PRKD1: variants seen among roughly 807,000 people sequenced by gnomAD.
PRKD1 encodes protein kinase D1, also known as serine/threonine-protein kinase D1.
In PRKD1, 63 loss-of-function variants were observed where a neutral mutation model predicts 95.9. The observed-to-expected ratio is 0.66, with a 90% CI of 0.54 to 0.81. PRKD1 has a LOEUF of 0.81. Among genes scored for constraint, PRKD1 ranks in the 30% least tolerant of loss-of-function variants. PRKD1 has a pLI of 0.00. For synonymous variants in PRKD1, 425 were observed against 423.1 expected (o/e 1.00, Z -0.05); for missense variants, 1,048 against 1,165.3 (o/e 0.90, Z 1.47).
intron 3 of PRKD1, among the ~76,000 whole-genome samples, chr14:29,665,276 T>C (rs1028733442): frequency 6.6e-6 from 1 of 152,220 alleles, no homozygotes; most frequent in Non-Finnish European, 1.5e-5. Flanking sequence ...TTTCAGTACA[T>C]GAATGAATTA....
chr14:29,642,853 T>A (rs1456974486), intron 4 of PRKD1, among the ~76,000 whole-genome samples: 1 of 152,078 alleles, frequency 6.6e-6, no homozygotes, highest in Non-Finnish European at 1.5e-5. Context: ...ATTTTCACTC[T>A]TAGTCTCTAT....
At chr14:29,681,499 G>A (rs549336050) in intron 2 of PRKD1, among the ~76,000 whole-genome samples, 2 of 152,228 alleles carry the variant, frequency 1.3e-5, no homozygotes, top group African/African-American at 4.8e-5. Context: ...TGTCACATGG[G>A]ATGAAGGGAA....
intron 4 of PRKD1, among the ~76,000 whole-genome samples, chr14:29,647,000 T>C (rs1594392360): frequency 6.6e-6 from 1 of 152,102 alleles, no homozygotes. Context: ...TTGAGCTAAC[T>C]GTCAAATATC....
intron 1 of PRKD1, among the ~76,000 whole-genome samples, chr14:29,864,946 C>G (rs950674955): frequency 1.3e-5 from 2 of 152,114 alleles, no homozygotes; most frequent in Admixed American, 1.3e-4. Flanking sequence ...GGTTTTCCCC[C>G]CAAATAGCTG....
intron 1 of PRKD1, among the ~76,000 whole-genome samples, chr14:29,900,078 G>A (rs768625996): frequency 1.3e-5 from 2 of 152,206 alleles, no homozygotes; most frequent in Non-Finnish European, 2.9e-5. Context: ...ATGCAGAACT[G>A]TGAGTCAATT....
chr14:29,718,467 T>C (rs191195732), intron 2 of PRKD1, among the ~76,000 whole-genome samples: 11 of 152,296 alleles, frequency 7.2e-5, no homozygotes, highest in Admixed American at 2.0e-4. Flanking sequence ...CAGTCTCATG[T>C]AGTATCTTTA....
chr14:29,641,492 A>C (rs1345247585), intron 4 of PRKD1, among the ~76,000 whole-genome samples: 2 of 152,186 alleles, frequency 1.3e-5, no homozygotes, highest in Non-Finnish European at 2.9e-5. Flanking sequence ...AGACTGTTTG[A>C]GTTGTTTAAT....
chr14:29,626,199 T>A (rs1879607510), intron 12 of PRKD1, among the ~76,000 whole-genome samples: 1 of 152,194 alleles, frequency 6.6e-6, no homozygotes, highest in Admixed American at 6.5e-5. Context: ...CAATATTTTG[T>A]CTGATATTCC....
At chr14:29,898,269 C>A (rs1405363640) in intron 1 of PRKD1, among the ~76,000 whole-genome samples, 1 of 151,982 alleles carries the variant, frequency 6.6e-6, no homozygotes, top group Admixed American at 6.6e-5. Flanking sequence ...TGATAATCAT[C>A]TAAGCTTGAG....
chr14:29,794,893 G>T (rs930610021), intron 1 of PRKD1, among the ~76,000 whole-genome samples: 1 of 152,074 alleles, frequency 6.6e-6, no homozygotes, highest in African/African-American at 2.4e-5. Context: ...AGCAATGTGT[G>T]AGTTCATAAA....
At chr14:29,589,027 C>T (rs945875078) in intron 16 of PRKD1, among the ~76,000 whole-genome samples, 5 of 152,068 alleles carry the variant, frequency 3.3e-5, no homozygotes, top group East Asian at 3.9e-4. Flanking sequence ...AGACAATTTC[C>T]GAGGCTGCCT....
intron 2 of PRKD1, among the ~76,000 whole-genome samples, chr14:29,708,774 G>A (rs1033379706): frequency 7.2e-5 from 11 of 152,054 alleles, no homozygotes; most frequent in African/African-American, 1.9e-4. Context: ...GAGGTGGCAG[G>A]ATCACTTGAG....
intron 16 of PRKD1, among the ~76,000 whole-genome samples, chr14:29,595,118 T>C (rs569028449): frequency 1.3e-5 from 2 of 152,300 alleles, no homozygotes; most frequent in African/African-American, 2.4e-5. Context: ...ATCTCCCATC[T>C]GAGCTGGTCT....
At chr14:29,588,011 T>C (rs1892995324) in intron 16 of PRKD1, among the ~76,000 whole-genome samples, 1 of 152,152 alleles carries the variant, frequency 6.6e-6, no homozygotes, top group Non-Finnish European at 1.5e-5. Context: ...TCCATGCCGT[T>C]ATGTCTGACA....
chr14:29,686,214 G>C (rs2139283362), intron 2 of PRKD1, among the ~76,000 whole-genome samples: 1 of 152,138 alleles, frequency 6.6e-6, no homozygotes, highest in Middle Eastern at 3.4e-3. Context: ...TGTATAAATG[G>C]AGAGAGTGCT....
chr14:29,927,100 C>A (rs1895329619), intron 1 of PRKD1, 149 bp downstream of exon 1: 17 of 809,298 alleles, frequency 2.1e-5, no homozygotes, highest in Non-Finnish European at 2.4e-5. Flanking sequence ...GGCGTCCAGC[C>A]GCGGCGGGGC....
chr14:29,688,505 T>C (rs765164718), intron 2 of PRKD1, among the ~76,000 whole-genome samples: 12 of 152,142 alleles, frequency 7.9e-5, no homozygotes, highest in Non-Finnish European at 1.3e-4. Context: ...GACATAGTTA[T>C]AGGCAGTGGC....
chr14:29,785,006 C>T (rs1372861793), intron 1 of PRKD1, among the ~76,000 whole-genome samples: 3 of 152,156 alleles, frequency 2.0e-5, no homozygotes, highest in East Asian at 3.8e-4. Context: ...GAGCCAAATT[C>T]CATCTCCTTT....
intron 1 of PRKD1, among the ~76,000 whole-genome samples, chr14:29,828,163 G>A (rs1209743700): frequency 6.6e-6 from 1 of 152,154 alleles, no homozygotes; most frequent in South Asian, 2.1e-4. Flanking sequence ...CTGAGCTTGA[G>A]TAATTTATAA....
Sources: gnomAD v4.1 joint callset for allele counts (sites outside exome capture counted in the v4.1 genomes callset) on GRCh38, gnomAD v4.1.1 for gene constraint, MANE v1.5 for transcripts, NCBI Gene and HGNC (gene_info 2026-07-23, HGNC 2026-07-21) for gene names.